The following CNIH2 variants were observed in gnomAD, a reference collection of about 807,000 sequenced individuals.
CNIH2 encodes protein cornichon homolog 2.
CNIH2 carries 8 observed loss-of-function variants against 22.9 expected under a neutral mutation model. The ratio of observed to expected loss-of-function variants is 0.35; its 90% confidence interval spans 0.20 to 0.63. The LOEUF (loss-of-function observed/expected upper bound fraction) is 0.63. Among genes scored for constraint, CNIH2 ranks in the 30% least tolerant of loss-of-function variants. The pLI is 0.72. For missense variants in CNIH2, 105 were observed against 206.2 expected (o/e 0.51, Z 3.01); for synonymous variants, 74 against 78.2 (o/e 0.95, Z 0.28).
intron 3 of CNIH2, 76 bp downstream of exon 3, chr11:66,282,856 T>A: frequency 6.6e-7 from 1 of 1,523,134 alleles, no homozygotes; most frequent in Non-Finnish European, 9.0e-7. Flanking sequence ...AACCAGGCCT[T>A]CCCCTGCTTT....
At chr11:66,282,429 G>GTGGTGGGGGGGGGGGGGGGGGGGC in intron 2 of CNIH2, 102 bp downstream of exon 2, 1 of 479,466 alleles carries the variant, frequency 2.1e-6, no homozygotes, top group Middle Eastern at 5.9e-4. Flanking sequence ...GGGGTGGGGG[G>GTGGTGGGGGGGGGGGGGGGGGGGC]CCTACGGCCA....
Position 66,278,435 on chromosome 11 carries a change from G to A in CNIH2, c.-22G>A. On this transcript the variant is annotated 5_prime_UTR_variant, in exon 1 of 6. Transcript: ENST00000311445. Reference sequence around the variant, plus strand: ...CGGGCCCCGCGCTGGCGCCCCCCGGGCCGCCGCCCGGCGCGGGGGCCATGG... The same window carrying A: ...CGGGCCCCGCGCTGGCGCCCCCCGGACCGCCGCCCGGCGCGGGGGCCATGG... The A allele has an allele frequency of 3.3e-6, 4 of 1,196,370 alleles. No individual in the cohort carries two copies. The highest frequency in any genetic ancestry group is 3.1e-6 in the Non-Finnish European group (3 of 954,992). 74.1% of individuals were successfully genotyped at this position (1,196,370 alleles called of 1,614,324 possible). A position where few individuals can be genotyped will look rare whatever the true frequency, so the allele number is the denominator to read the frequency against.
chr11:66,282,631 G>A, intron 2 of CNIH2, 102 bp from the exon 3 acceptor site: 1 of 1,391,518 alleles, frequency 7.2e-7, no homozygotes, highest in Non-Finnish European at 1.0e-6. Flanking sequence ...GTGCCGCAGA[G>A]ATCGCTCTGG....
At position 66,283,837 on chromosome 11, in the gene CNIH2, C is replaced by T. The variant is rs1857303683; in HGVS notation, c.*240C>T. On this transcript the variant is annotated 3_prime_UTR_variant, in exon 6 of 6. Coordinates refer to ENST00000311445, the MANE Select transcript of CNIH2 (RefSeq NM_182553.3). Reference sequence around the variant, plus strand: ...CAGGGGCAGGGGCTCCTCTGCCAGCCTGTGGGCATGGCAGTCATTCCTGGA... The same window carrying T: ...CAGGGGCAGGGGCTCCTCTGCCAGCTTGTGGGCATGGCAGTCATTCCTGGA... 5.5e-6 allele frequency: 3 copies of T among 540,938 alleles called. No homozygotes were observed. The highest frequency in any genetic ancestry group is 6.6e-6 in the Non-Finnish European group (2 of 302,360). 33.5% of individuals were successfully genotyped at this position (540,938 alleles called of 1,614,324 possible).
chr11:66,282,615 C>A, intron 2 of CNIH2, 118 bp from the exon 3 acceptor site: 2 of 1,242,028 alleles, frequency 1.6e-6, no homozygotes, highest in South Asian at 1.4e-5. Context: ...CCCGGCCGTG[C>A]CGACAGTGCC....
In CNIH2 at chr11:66,279,872, G is replaced by A. The variant is rs60213349; in HGVS notation, c.81+1335G>A. On this transcript the variant is annotated intron_variant, in intron 1 of 5. Transcript: ENST00000311445. ...TTGGCCTGGCTCTGCTCTCTCTCTGGGTCTTGGTTGCTTTGTCTTTCCCCC... is the reference window on the plus strand; with the variant it reads ...TTGGCCTGGCTCTGCTCTCTCTCTGAGTCTTGGTTGCTTTGTCTTTCCCCC... 1.4e-3 allele frequency among the ~76,000 whole-genome samples: 213 copies of A among 152,192 alleles called. 7 individuals are homozygous for A. The East Asian group carries it at 0.039, about 28-fold the overall frequency.
chr11:66,280,649 G>A (rs1256418109), intron 1 of CNIH2, among the ~76,000 whole-genome samples: 8 of 152,136 alleles, frequency 5.3e-5, no homozygotes, highest in Non-Finnish European at 1.0e-4. Flanking sequence ...GAGGGGTGAC[G>A]CCCGCCGCCT....
At chr11:66,280,880 TAGGGCTGG>T (rs1481845541) in intron 1 of CNIH2, among the ~76,000 whole-genome samples, 2 of 152,098 alleles carry the variant, frequency 1.3e-5, no homozygotes, top group Admixed American at 1.3e-4. Flanking sequence ...TGCCTCATCC[TAGGGCTGG>T]AGCCGACAGG....
intron 1 of CNIH2, among the ~76,000 whole-genome samples, chr11:66,279,937 G>A (rs1025129785): frequency 6.6e-6 from 1 of 152,192 alleles, no homozygotes; most frequent in African/African-American, 2.4e-5. Context: ...TTCTTTCTGT[G>A]GGGTAGGGGC....
chr11:66,279,693 G>A (rs1857230441), intron 1 of CNIH2, among the ~76,000 whole-genome samples: 1 of 151,898 alleles, frequency 6.6e-6, no homozygotes, highest in Non-Finnish European at 1.5e-5. Context: ...CCTGGGACCT[G>A]CCGCCTGCTC....
chr11:66,282,386 T>C (rs1426423148), intron 2 of CNIH2, 59 bp downstream of exon 2: 4 of 268,316 alleles, frequency 1.5e-5, no homozygotes, highest in Admixed American at 7.5e-5. Context: ...CCATCTGTCG[T>C]GGGCTGGGGG....
At chr11:66,279,735 C>A (rs1420418251) in intron 1 of CNIH2, among the ~76,000 whole-genome samples, 1 of 152,112 alleles carries the variant, frequency 6.6e-6, no homozygotes, top group African/African-American at 2.4e-5. Flanking sequence ...TTTGCCATCC[C>A]CTGCCACCTT....
rs114412562 is a variant in CNIH2, at chr11:66,279,626, T to C, written c.81+1089T>C. On this transcript the variant is annotated intron_variant, in intron 1 of 5. Coordinates refer to ENST00000311445, the MANE Select transcript of CNIH2 (RefSeq NM_182553.3). ...TTTCCCATAGCCCTTCCCTCCTTCC[T>C]CCCGGTGCCTCACCTGCTTCTTTCC... is the stretch of plus-strand genomic sequence containing the variant. Among the ~76,000 whole-genome samples the C allele has an allele frequency of 8.2e-3, 1,244 of 152,220 alleles. 26 individuals carry two copies. Among genetic ancestry groups the C allele is most frequent in the African/African-American group, 0.028 (1,156 of 41,532 alleles).
Position 66,281,507 on chromosome 11 carries a change from T to A in CNIH2, c.82-752T>A, listed in dbSNP as rs367575428. The A allele has an allele frequency of 1.1e-3, 482 of 456,218 alleles. 6 individuals are homozygous for A. Among genetic ancestry groups the A allele is most frequent in the South Asian group, 7.3e-3 (473 of 64,554 alleles). 28.3% of individuals were successfully genotyped at this position (456,218 alleles called of 1,614,324 possible). A position where few individuals can be genotyped will look rare whatever the true frequency, so the allele number is the denominator to read the frequency against. On this transcript the variant is annotated intron_variant, in intron 1 of 5. Transcript: ENST00000311445. ...TGAGACATGGACCAATCCTAAGACATGGACCTGACCACCCCACTCTGCTGC... is the reference window on the plus strand; with the variant it reads ...TGAGACATGGACCAATCCTAAGACAAGGACCTGACCACCCCACTCTGCTGC...
chr11:66,278,624 G>C lies in CNIH2; in HGVS notation c.81+87G>C, dbSNP rs868205760. On this transcript the variant is annotated intron_variant, in intron 1 of 5. Coordinates refer to ENST00000311445, the MANE Select transcript of CNIH2 (RefSeq NM_182553.3). ...GAGGGACCCAGGGCGGGTGGTCTCA[G>C]AGCCCAGGGGAAACTTGCTATCCCC... is the stretch of plus-strand genomic sequence containing the variant. 6.4e-5 allele frequency: 66 copies of C among 1,023,716 alleles called. No homozygotes were observed. In the Middle Eastern group the frequency reaches 1.1e-3, roughly 18 times the overall value. The allele number at this position is 1,023,716 out of a possible 1,614,324, so 63.4% of individuals were successfully genotyped here.
chr11:66,278,452 G>A lies in CNIH2; in HGVS notation c.-5G>A. 1 of 1,333,354 alleles carries A rather than the reference G, an allele frequency of 7.5e-7. No individual in the cohort carries two copies. Among genetic ancestry groups the A allele is most frequent in the South Asian group, 1.8e-5 (1 of 55,400 alleles). The allele number at this position is 1,333,354 out of a possible 1,614,324, so 82.6% of individuals were successfully genotyped here. On this transcript the variant is annotated 5_prime_UTR_variant, in exon 1 of 6. Transcript: ENST00000311445. The stretch of plus-strand genomic sequence containing the variant: ...CCCCCCGGGCCGCCGCCCGGCGCGG[G>A]GGCCATGGCGTTCACCTTCGCCGCG...
At chr11:66,282,429 G>GGGTGTGGGGGGGGGGGGGGGGGGGGC in intron 2 of CNIH2, 102 bp downstream of exon 2, 2 of 479,466 alleles carry the variant, frequency 4.2e-6, no homozygotes, top group Non-Finnish European at 4.2e-6. Flanking sequence ...GGGGTGGGGG[G>GGGTGTGGGGGGGGGGGGGGGGGGGGC]CCTACGGCCA....
chr11:66,283,528 G>T lies in CNIH2; in HGVS notation c.456-42G>T, dbSNP rs199647150. ...TGACCAGGTGGGCATCTGGGTGGCTGTGTGTGTGCAGGGCTAGGCTCACTG... is the reference window on the plus strand; with the variant it reads ...TGACCAGGTGGGCATCTGGGTGGCTTTGTGTGTGCAGGGCTAGGCTCACTG... On this transcript the variant is annotated intron_variant, in intron 5 of 5. Coordinates refer to ENST00000311445, the MANE Select transcript of CNIH2 (RefSeq NM_182553.3). 2,864 of 1,605,194 alleles carry T rather than the reference G, an allele frequency of 1.8e-3. 14 individuals are homozygous for T. The highest frequency in any genetic ancestry group is 6.7e-3 in the Admixed American group (389 of 58,296).
chr11:66,278,492 C>T lies in CNIH2; in HGVS notation c.36C>T (p.Leu12=), dbSNP rs767679856. ...CCTTCGCCGCGTTCTGCTACATGCT[C>T]ACCCTGGTGCTGTGCGCCTCCCTCA... ...AFTFAAFCYM[L]TLVLCASLIF... is the part of the protein sequence containing the mutation. Residue 12 remains leucine, a synonymous_variant, in exon 1 of 6, where the codon CTC becomes CTT. Transcript: ENST00000311445. 2.0e-6 allele frequency: 3 copies of T among 1,526,092 alleles called. No individual in the cohort carries two copies. The highest frequency in any genetic ancestry group is 2.6e-6 in the Non-Finnish European group (3 of 1,137,182). 94.5% of individuals were successfully genotyped at this position (1,526,092 alleles called of 1,614,324 possible).
Sources: allele counts gnomAD v4.1 joint callset (sites outside exome capture counted in the v4.1 genomes callset), GRCh38; gene constraint gnomAD v4.1.1; transcripts MANE v1.5; gene names NCBI Gene and HGNC (gene_info 2026-07-23, HGNC 2026-07-21).